The following TRPC5 variants were observed in gnomAD, a reference collection of about 807,000 sequenced individuals.
TRPC5 encodes the protein short transient receptor potential channel 5.
Under a neutral mutation model 56.5 loss-of-function variants are expected in TRPC5, and 9 were observed. That is an observed-to-expected ratio of 0.16 (90% confidence interval 0.10 to 0.28). TRPC5 has a LOEUF of 0.28. Among genes scored for constraint, TRPC5 ranks in the 10% least tolerant of loss-of-function variants. The pLI, the probability that TRPC5 is intolerant of heterozygous loss-of-function variation, is 1.00. For synonymous variants in TRPC5, 282 were observed against 278.5 expected, an observed-to-expected ratio of 1.01 and a Z score of -0.13; for missense variants, 469 against 748.9, an observed-to-expected ratio of 0.63 and a Z score of 4.36.
chrX:111,885,102 G>A (rs750884393), intron 3 of TRPC5, among the ~76,000 whole-genome samples: 11 of 113,029 alleles, frequency 9.7e-5, no homozygotes, highest in Middle Eastern at 4.6e-3. Context: ...GTGGAGCCAG[G>A]CTTATGCCTA....
At chrX:111,956,277 G>C (rs1927234223) in intron 1 of TRPC5, among the ~76,000 whole-genome samples, 1 of 111,903 alleles carries the variant, frequency 8.9e-6, no homozygotes, top group Non-Finnish European at 1.9e-5. Context: ...TGCACCACGT[G>C]TCATGAAGAC....
chrX:111,881,389 G>A (rs927014098), intron 3 of TRPC5, among the ~76,000 whole-genome samples: 1 of 110,426 alleles, frequency 9.1e-6, no homozygotes, highest in Admixed American at 9.8e-5. Context: ...TGTTGGCCTG[G>A]ATGGTTTCAA....
At chrX:112,022,792 T>C in intron 1 of TRPC5, among the ~76,000 whole-genome samples, 1 of 112,414 alleles carries the variant, frequency 8.9e-6, no homozygotes, top group Non-Finnish European at 1.9e-5. Flanking sequence ...AACATTTTAC[T>C]GGGACAAGAT....
In TRPC5 at chrX:111,776,891, C is replaced by T; in HGVS notation, c.2344G>A (p.Asp782Asn). 3 of 1,211,354 alleles carry T rather than the reference C, an allele frequency of 2.5e-6. No homozygotes were observed. The highest frequency in any genetic ancestry group is 3.0e-5 in the East Asian group (1 of 33,822). Reference sequence around the variant, plus strand: ...GCCCCACCACTGCCATCATTATTATCGTCTCTCTGAGACAGTTCAGTGCTG... The same window carrying T: ...GCCCCACCACTGCCATCATTATTATTGTCTCTCTGAGACAGTTCAGTGCTG... ...TSSTELSQRD[D>N]NNDGSGGARA... Residue 782 changes from aspartate to asparagine, a missense_variant, in exon 11 of 11, where the codon GAT becomes AAT. Asp to Asn is a conservative substitution (Grantham distance 23). This residue lies in a region of TRPC5 where 194 missense variants were observed against 221.8 expected (regional missense o/e 0.87). Transcript: ENST00000262839.
At chrX:111,792,568 G>A (rs777396291) in intron 7 of TRPC5, among the ~76,000 whole-genome samples, 1 of 111,938 alleles carries the variant, frequency 8.9e-6, no homozygotes, top group African/African-American at 3.2e-5. Flanking sequence ...ACCTGGGAGA[G>A]GAATCCATGG....
At chrX:111,967,523 T>A (rs151310718) in intron 1 of TRPC5, among the ~76,000 whole-genome samples, 8,875 of 111,437 alleles carry the variant, frequency 0.08, 343 homozygotes, top group Non-Finnish European at 0.12. Context: ...CATGGCCAAG[T>A]CAATCCTAAG....
intron 1 of TRPC5, among the ~76,000 whole-genome samples, chrX:111,978,760 C>T (rs955841071): frequency 1.8e-5 from 2 of 110,950 alleles, no homozygotes. Context: ...CAGACATACA[C>T]AAATGGTAAC....
At chrX:112,038,457 TTC>T (rs1451319514) in intron 1 of TRPC5, among the ~76,000 whole-genome samples, 3 of 111,463 alleles carry the variant, frequency 2.7e-5, no homozygotes, top group African/African-American at 9.8e-5. Context: ...ACACTGAATG[TTC>T]TCTGACTGCA....
At chrX:111,945,089 G>A (rs991997216) in intron 2 of TRPC5, among the ~76,000 whole-genome samples, 1 of 110,249 alleles carries the variant, frequency 9.1e-6, no homozygotes, top group Admixed American at 9.8e-5. Context: ...ATGTAGTGGG[G>A]CTCAGAAATC....
chrX:111,888,616 C>T (rs1172612887), intron 3 of TRPC5, among the ~76,000 whole-genome samples: 1 of 91,855 alleles, frequency 1.1e-5, no homozygotes, highest in Non-Finnish European at 2.0e-5. Context: ...ATGGCTTGAA[C>T]GTGGGAGGTG....
chrX:111,901,934 C>T, intron 3 of TRPC5: 2 of 1,154,620 alleles, frequency 1.7e-6, no homozygotes, highest in Non-Finnish European at 2.3e-6. Context: ...TGAGCTTTTA[C>T]AATTCATTCT....
intron 9 of TRPC5, among the ~76,000 whole-genome samples, chrX:111,780,298 T>C (rs1341302741): frequency 1.8e-5 from 2 of 111,105 alleles, no homozygotes; most frequent in Non-Finnish European, 3.8e-5. Context: ...TACTTTTTTT[T>C]TTTTAACAAA....
intron 1 of TRPC5, among the ~76,000 whole-genome samples, chrX:111,955,730 C>G (rs757926232): frequency 2.7e-5 from 3 of 111,848 alleles, no homozygotes; most frequent in Non-Finnish European, 5.6e-5. Context: ...GTTAGGCCTA[C>G]TCTGCCATTA....
At chrX:111,921,174 AC>A (rs774171122) in intron 2 of TRPC5, among the ~76,000 whole-genome samples, 6 of 111,700 alleles carry the variant, frequency 5.4e-5, no homozygotes, top group Non-Finnish European at 9.4e-5. Flanking sequence ...TACTCTGTGG[AC>A]CATACAACAA....
intron 1 of TRPC5, among the ~76,000 whole-genome samples, chrX:111,953,249 T>C (rs992224545): frequency 8.9e-5 from 10 of 112,229 alleles, no homozygotes; most frequent in Non-Finnish European, 9.4e-5. Context: ...TGAGAATCTG[T>C]ATGATTAAAT....
chrX:111,856,781 T>C (rs981129099), intron 3 of TRPC5, among the ~76,000 whole-genome samples: 6 of 96,814 alleles, frequency 6.2e-5, no homozygotes, highest in Non-Finnish European at 1.0e-4. Flanking sequence ...GCATCACTAC[T>C]GCACTCCAGG....
chrX:111,776,646 T>C lies in TRPC5; in HGVS notation c.2589A>G (p.Pro863=). 8.3e-7 allele frequency: 1 copy of C among 1,211,818 alleles called. No homozygotes were observed. The highest frequency in any genetic ancestry group is 1.8e-5 in the South Asian group (1 of 56,971). ...NGHMSEPSSE[P]MYTISDGIVQ... is the part of the protein sequence containing the mutation. ...CAATTCCATCAGAAATTGTGTACAT[T>C]GGCTCTGAACTGGGTTCAGACATAT... The change falls in exon 11 of 11, where the codon CCA becomes CCG. Residue 863 remains proline, a synonymous_variant. Transcript: ENST00000262839.
At chrX:111,925,608 A>C (rs1412104718) in intron 2 of TRPC5, among the ~76,000 whole-genome samples, 1 of 111,903 alleles carries the variant, frequency 8.9e-6, no homozygotes, top group Non-Finnish European at 1.9e-5. Flanking sequence ...AGCCAAACCC[A>C]GTTCTCCCTC....
intron 1 of TRPC5, among the ~76,000 whole-genome samples, chrX:111,979,814 T>G (rs562610403): frequency 4.5e-5 from 5 of 111,734 alleles, no homozygotes; most frequent in African/African-American, 1.6e-4. Context: ...TTAAAATGAC[T>G]GACCATACCA....
Sources: gnomAD v4.1 joint callset for allele counts (sites outside exome capture counted in the v4.1 genomes callset) on GRCh38, gnomAD v4.1.1 for gene constraint, gnomAD v4.1.1 regional missense constraint, MANE v1.5 for transcripts, NCBI Gene and HGNC (gene_info 2026-07-23, HGNC 2026-07-21) for gene names.